The following CPNE8 variants were observed in gnomAD, a reference collection of about 807,000 sequenced individuals.
The protein encoded by CPNE8 is copine-8.
Under a neutral mutation model 81.5 loss-of-function variants are expected in CPNE8, and 45 were observed. The ratio of observed to expected loss-of-function variants is 0.55; its 90% CI spans 0.44 to 0.71. The LOEUF (loss-of-function observed/expected upper bound fraction) is 0.71, where lower values mean the gene tolerates loss of function less well. Ranked by LOEUF, CPNE8 falls within the 30% of genes least tolerant of loss-of-function variation. The probability of loss-of-function intolerance (pLI) is 0.00; values close to 1 mark genes in which losing one functional copy is unlikely to be tolerated. For synonymous variants in CPNE8, 252 were observed against 226.3 expected (o/e 1.11, Z -1.02); for missense variants, 594 against 672.1 (o/e 0.88, Z 1.28).
At chr12:38,843,920 A>C (rs552318986) in intron 4 of CPNE8, among the ~76,000 whole-genome samples, 10 of 152,256 alleles carry the variant, frequency 6.6e-5, no homozygotes, top group Non-Finnish European at 1.2e-4. Context: ...TAAGGTTTTA[A>C]AATAAAAAGT....
At chr12:38,708,838 CA>C (rs1940178673) in intron 13 of CPNE8, among the ~76,000 whole-genome samples, 1 of 152,138 alleles carries the variant, frequency 6.6e-6, no homozygotes, top group African/African-American at 2.4e-5. Context: ...GTGTTTTCTA[CA>C]GCTGTTATTT....
chr12:38,883,902 C>T (rs1298738241), intron 1 of CPNE8, among the ~76,000 whole-genome samples: 2 of 152,160 alleles, frequency 1.3e-5, no homozygotes, highest in Non-Finnish European at 2.9e-5. Context: ...ATTCTCTAAA[C>T]ATTTATATCC....
intron 19 of CPNE8, among the ~76,000 whole-genome samples, chr12:38,655,654 A>G (rs1340842974): frequency 6.6e-6 from 1 of 152,164 alleles, no homozygotes; most frequent in Non-Finnish European, 1.5e-5. Flanking sequence ...CTGGAAAACA[A>G]TCATTATTGG....
At chr12:38,759,875 G>C (rs540413391) in intron 10 of CPNE8, among the ~76,000 whole-genome samples, 1 of 152,216 alleles carries the variant, frequency 6.6e-6, no homozygotes, top group Admixed American at 6.5e-5. Context: ...CAGCAGAAGG[G>C]AAGAGAAGAG....
intron 4 of CPNE8, among the ~76,000 whole-genome samples, chr12:38,846,734 A>G (rs1161152393): frequency 6.6e-6 from 1 of 152,144 alleles, no homozygotes; most frequent in African/African-American, 2.4e-5. Context: ...TCTGCATCCT[A>G]TAATCCTAAA....
intron 8 of CPNE8, among the ~76,000 whole-genome samples, chr12:38,767,017 G>T (rs2136867045): frequency 6.6e-6 from 1 of 152,080 alleles, no homozygotes; most frequent in Middle Eastern, 3.4e-3. Context: ...CTAGACAACA[G>T]AAATTAGCCA....
chr12:38,695,310 G>A (rs545062846), intron 14 of CPNE8, among the ~76,000 whole-genome samples: 18 of 152,264 alleles, frequency 1.2e-4, no homozygotes, highest in Non-Finnish European at 2.2e-4. Context: ...TCCAGTCTCC[G>A]TGAGAAGATA....
chr12:38,845,325 G>A (rs1943539075), intron 4 of CPNE8, among the ~76,000 whole-genome samples: 1 of 152,096 alleles, frequency 6.6e-6, no homozygotes, highest in Non-Finnish European at 1.5e-5. Flanking sequence ...TCTGGTACGT[G>A]TGTGTACGTG....
chr12:38,685,946 A>G (rs960851913), intron 15 of CPNE8, among the ~76,000 whole-genome samples: 10 of 152,140 alleles, frequency 6.6e-5, no homozygotes, highest in Admixed American at 4.6e-4. Context: ...AGGTTTGGGT[A>G]CATGTGGAGA....
intron 15 of CPNE8, 33 bp from the exon 16 acceptor site, chr12:38,685,650 C>G: frequency 6.3e-7 from 1 of 1,598,510 alleles, no homozygotes; most frequent in Non-Finnish European, 8.5e-7. Flanking sequence ...CAAAACAAAA[C>G]AACAGTAAAA....
intron 4 of CPNE8, 69 bp downstream of exon 4, chr12:38,848,490 C>A: frequency 6.8e-7 from 1 of 1,473,852 alleles, no homozygotes; most frequent in Non-Finnish European, 9.0e-7. Context: ...ACCATAGGAC[C>A]CTGCCTTACA....
At chr12:38,841,659 T>C (rs898379225) in intron 4 of CPNE8, among the ~76,000 whole-genome samples, 2 of 152,140 alleles carry the variant, frequency 1.3e-5, no homozygotes. Context: ...GTAGGTGAAA[T>C]GATTTGCTTT....
intron 14 of CPNE8, among the ~76,000 whole-genome samples, chr12:38,697,886 C>T (rs1353891105): frequency 6.6e-6 from 1 of 152,148 alleles, no homozygotes; most frequent in East Asian, 1.9e-4. Flanking sequence ...GCTTCCTGGG[C>T]CTCACCAGAA....
chr12:38,905,480 C>A lies in CPNE8; in HGVS notation c.55G>T (p.Ala19Ser). The A allele has an allele frequency of 6.3e-7, 1 of 1,576,468 alleles. No homozygotes were observed. Among genetic ancestry groups the A allele is most frequent in the Non-Finnish European group, 8.6e-7 (1 of 1,160,980 alleles). The change falls in exon 1 of 20, where the codon GCT becomes TCT. Residue 19 changes from alanine to serine, a missense_variant. Physicochemically the swap from Ala to Ser is moderately conservative, Grantham distance 99. Coordinates refer to ENST00000331366, the MANE Select transcript of CPNE8 (RefSeq NM_153634.3). ...AGIGDLNQLS[A>S]AIPATRVEVS... ...TCCACCCGCGTGGCCGGGATGGCAG[C>A]GCTCAGCTGGTTCAAGTCCCCGATG... is the stretch of plus-strand genomic sequence containing the variant.
At chr12:38,659,672 A>G (rs1276043106) in intron 19 of CPNE8, among the ~76,000 whole-genome samples, 1 of 152,214 alleles carries the variant, frequency 6.6e-6, no homozygotes. Flanking sequence ...GCAAATGTAA[A>G]AGAACAAAAA....
intron 13 of CPNE8, among the ~76,000 whole-genome samples, chr12:38,722,739 C>A (rs1222966749): frequency 6.6e-6 from 1 of 152,020 alleles, no homozygotes; most frequent in Non-Finnish European, 1.5e-5. Context: ...TTTTTTAAAT[C>A]TCTGGGGATG....
chr12:38,826,943 G>A (rs1369794627), intron 6 of CPNE8, among the ~76,000 whole-genome samples: 1 of 150,752 alleles, frequency 6.6e-6, no homozygotes, highest in African/African-American at 2.4e-5. Flanking sequence ...GCCGAGGCGG[G>A]CAGATCACGA....
rs60435915 is a variant in CPNE8 at position 38,738,819 on chromosome 12, C to CT, written c.723-8462dup. On this transcript the variant is annotated intron_variant, in intron 10 of 19. Transcript: ENST00000331366. ...AATTTTTCTTTTCTTTTTTTTTTTTCTTTTTTTTTTTTGAGACAGGGTCTT... is the reference window on the plus strand; with the variant it reads ...AATTTTTCTTTTCTTTTTTTTTTTTCTTTTTTTTTTTTTGAGACAGGGTCTT... Among the ~76,000 whole-genome samples, 302 of 141,302 alleles carry CT rather than the reference C, an allele frequency of 2.1e-3. 2 individuals carry two copies. Among genetic ancestry groups the CT allele is most frequent in the African/African-American group, 4.8e-3 (178 of 37,304 alleles). The allele number at this position is 141,302 out of a possible 152,430, so 92.7% of individuals were successfully genotyped here. A position where few individuals can be genotyped will look rare whatever the true frequency, so the allele number is the denominator to read the frequency against.
chr12:38,814,957 T>G (rs1943000300), intron 6 of CPNE8, among the ~76,000 whole-genome samples: 1 of 152,210 alleles, frequency 6.6e-6, no homozygotes, highest in South Asian at 2.1e-4. Flanking sequence ...GTTAGCCACA[T>G]AAGACCTGCA....
Sources: gnomAD v4.1 joint callset for allele counts (sites outside exome capture counted in the v4.1 genomes callset) on GRCh38, gnomAD v4.1.1 for gene constraint, MANE v1.5 for transcripts, NCBI Gene and HGNC (gene_info 2026-07-23, HGNC 2026-07-21) for gene names.